ZNF432: variants seen among roughly 807,000 people sequenced by gnomAD.
ZNF432 encodes the protein zinc finger protein 432.
Under a neutral mutation model 13.9 loss-of-function variants are expected in ZNF432, and 10 were observed. The ratio of observed to expected loss-of-function variants is 0.72; its 90% CI spans 0.44 to 1.22. The LOEUF is 1.22. Among genes scored for constraint, ZNF432 ranks in the 50% most tolerant of loss-of-function variants. The pLI is 0.00. For synonymous variants in ZNF432, 247 were observed against 256.2 expected (o/e 0.96, Z 0.34); for missense variants, 793 against 796.2 (o/e 1.00, Z 0.05).
In ZNF432 at chr19:52,033,871, C is replaced by T. The variant is rs749437108; in HGVS notation, c.1808G>A (p.Gly603Asp). ...ACGGCTCTTCATAGTGAAGCCTTTA[C>T]CACATTCATTACATCCATAAGGTTT... ...GEKPYGCNEC[G>D]KGFTMKSRLI... Residue 603 changes from glycine (G) to aspartate (D), a missense_variant, in exon 5 of 5, where the codon GGT (glycine) becomes GAT (aspartate). Coordinates refer to ENST00000221315, the MANE Select transcript of ZNF432 (RefSeq NM_014650.4). The T allele has an allele frequency of 6.2e-7, 1 of 1,614,088 alleles. No homozygotes were observed. Among genetic ancestry groups the T allele is most frequent in the South Asian group, 1.1e-5 (1 of 91,070 alleles).
intron 1 of ZNF432, 84 bp from the exon 2 acceptor site, chr19:52,047,144 C>T: frequency 2.4e-6 from 1 of 422,930 alleles, no homozygotes; most frequent in Non-Finnish European, 4.2e-6. Flanking sequence ...TTCTCTCAAA[C>T]CAAGGAAACA....
chr19:52,047,274 C>T (rs963433315), intron 1 of ZNF432: 16 of 209,018 alleles, frequency 7.7e-5, no homozygotes, highest in Non-Finnish European at 4.7e-5. Flanking sequence ...GTAGGTAATT[C>T]TCATATCAGT....
At chr19:52,046,293 A>G (rs1293350831) in intron 2 of ZNF432, among the ~76,000 whole-genome samples, 2 of 152,158 alleles carry the variant, frequency 1.3e-5, no homozygotes, top group Non-Finnish European at 1.5e-5. Context: ...CTTAGATTTT[A>G]TTCCTAAATA....
chr19:52,041,125 T>TA (rs1568522931), intron 3 of ZNF432, among the ~76,000 whole-genome samples: 4 of 151,894 alleles, frequency 2.6e-5, no homozygotes, highest in African/African-American at 9.7e-5. Context: ...ATAAATAAAT[T>TA]AATTAAAACA....
rs752598662 is a variant in ZNF432, at chr19:52,034,223, T to C, written c.1456A>G (p.Arg486Gly). ...QRTHTGEKPY[R>G]CSECGKGFIV... ...AAACCTTTCCCACATTCACTGCACC[T>C]GTAAGGTTTCTCTCCAGTATGAGTT... is the stretch of plus-strand genomic sequence containing the variant. Residue 486 changes from arginine to glycine, a missense_variant, in exon 5 of 5, where the codon AGG (arginine) becomes GGG (glycine). Transcript: ENST00000221315. 3 of 1,614,016 alleles carry C rather than the reference T, an allele frequency of 1.9e-6. No individual in the cohort carries two copies. Among genetic ancestry groups the C allele is most frequent in the Non-Finnish European group, 2.5e-6 (3 of 1,180,030 alleles).
rs750900615 is a variant in ZNF432, at chr19:52,041,591, C to T, written c.31G>A (p.Glu11Lys). 6.2e-7 allele frequency: 1 copy of T among 1,614,118 alleles called. No individual in the cohort carries two copies. Among genetic ancestry groups the T allele is most frequent in the South Asian group, 1.1e-5 (1 of 91,084 alleles). Residue 11 changes from glutamate to lysine, a missense_variant, in exon 3 of 5, where the codon GAG becomes AAG. Physicochemically the swap from Glu to Lys is moderately conservative, Grantham distance 56. Transcript: ENST00000221315. ...CAGGTGAACTCCACAGTAACATCCT[C>T]CAGTGTCAGCAATTCCTGTAAGAAA... MINAQELLTL[E>K]DVTVEFTWEE... is the part of the protein sequence containing the mutation.
chr19:52,044,266 C>T (rs1359621385), intron 2 of ZNF432, among the ~76,000 whole-genome samples: 1 of 151,986 alleles, frequency 6.6e-6, no homozygotes, highest in Non-Finnish European at 1.5e-5. Flanking sequence ...TAGGTTTCTA[C>T]CTAATTTCAT....
chr19:52,048,089 TA>T (rs2087204749), intron 1 of ZNF432, among the ~76,000 whole-genome samples: 2 of 146,338 alleles, frequency 1.4e-5, no homozygotes, highest in Admixed American at 1.4e-4. Flanking sequence ...TAGGAAATGT[TA>T]ACGTTCATCA....
intron 2 of ZNF432, among the ~76,000 whole-genome samples, chr19:52,043,680 T>C (rs535245917): frequency 1.5e-3 from 233 of 152,344 alleles, no homozygotes; most frequent in African/African-American, 5.4e-3. Context: ...CCCGATTGTA[T>C]GCTCCATCTA....
At position 52,032,562 on chromosome 19, in the gene ZNF432, A is replaced by C. The variant is rs1256224025; in HGVS notation, c.*1158T>G. ...AGTGATTCTCCAGCTTAGCCTCCAG[A>C]GTAGCTGGGATTACAAGCGTGAGCC... On this transcript the variant is annotated 3_prime_UTR_variant, in exon 5 of 5. Transcript: ENST00000221315. 1 of 151,458 alleles carries C rather than the reference A, an allele frequency of 6.6e-6. No homozygotes were observed. Among genetic ancestry groups the C allele is most frequent in the African/African-American group, 2.4e-5 (1 of 41,160 alleles). 9.4% of individuals were successfully genotyped at this position (151,458 alleles called of 1,614,324 possible).
At chr19:52,048,184 A>ACACACACACAC (rs1568525403) in intron 1 of ZNF432, among the ~76,000 whole-genome samples, 123 of 56,132 alleles carry the variant, frequency 2.2e-3, no homozygotes, top group African/African-American at 4.8e-3. Context: ...CACACACACA[A>ACACACACACAC]AACCAGCCAG....
chr19:52,035,301 AT>A lies in ZNF432; in HGVS notation c.377del (p.Asn126IlefsTer9). 6.2e-7 allele frequency: 1 copy of A among 1,611,656 alleles called. No homozygotes were observed. The highest frequency in any genetic ancestry group is 8.5e-7 in the Non-Finnish European group (1 of 1,179,476). On this transcript the variant is annotated frameshift_variant, in exon 5 of 5. Coordinates refer to ENST00000221315, the MANE Select transcript of ZNF432 (RefSeq NM_014650.4). LOFTEE classifies it low-confidence loss of function (END_TRUNC). ...QTKSLCLFRENHDTFELYIKT... is the reference protein window; with the variant it reads ...QTKSLCLFREXHDTFELYIKT... ...TTATATATAACTCAAATGTATCATG[AT>A]TTTCCCTGAAAAGACAAAGGCTTTT... is the stretch of plus-strand genomic sequence containing the variant.
intron 2 of ZNF432, 82 bp from the exon 3 acceptor site, chr19:52,041,688 C>T (rs2087138346): frequency 1.4e-5 from 22 of 1,567,852 alleles, no homozygotes; most frequent in Non-Finnish European, 1.9e-5. Flanking sequence ...AGTTGTCCCG[C>T]TCACATTAAA....
chr19:52,048,180 C>CAAAAAAAAAAAAAA (rs986523452), intron 1 of ZNF432, among the ~76,000 whole-genome samples: 1 of 145,858 alleles, frequency 6.9e-6, no homozygotes, highest in African/African-American at 2.7e-5. Context: ...CACACACACA[C>CAAAAAAAAAAAAAA]ACAAAACCAG....
intron 1 of ZNF432, among the ~76,000 whole-genome samples, chr19:52,048,129 ACACACACACACACAC>A (rs1423517010): frequency 2.7e-4 from 2 of 7,494 alleles, no homozygotes; most frequent in African/African-American, 2.1e-3. Flanking sequence ...TTTGAGCTCA[ACACACACACACACAC>A]ACACACACAC....
chr19:52,037,745 G>A (rs932673095), intron 4 of ZNF432, among the ~76,000 whole-genome samples: 5 of 147,620 alleles, frequency 3.4e-5, no homozygotes, highest in African/African-American at 7.6e-5. Flanking sequence ...AGCCAAAATC[G>A]TGCCACTGCA....
In ZNF432 at chr19:52,041,589, C is replaced by G. The variant is rs763627704; in HGVS notation, c.33G>C (p.Glu11Asp). The change falls in exon 3 of 5, where the codon GAG (glutamate) becomes GAC (aspartate). Residue 11 changes from glutamate (E) to aspartate (D), a missense_variant. Physicochemically the swap from Glu to Asp is conservative, Grantham distance 45 (BLOSUM62 2). Transcript: ENST00000221315. MINAQELLTL[E>D]DVTVEFTWEE... is the part of the protein sequence containing the mutation. Reference sequence around the variant, plus strand: ...CCCAGGTGAACTCCACAGTAACATCCTCCAGTGTCAGCAATTCCTGTAAGA... The same window carrying G: ...CCCAGGTGAACTCCACAGTAACATCGTCCAGTGTCAGCAATTCCTGTAAGA... 7 of 1,614,150 alleles carry G rather than the reference C, an allele frequency of 4.3e-6. No homozygotes were observed. The East Asian group carries it at 1.6e-4, about 36-fold the overall frequency.
Position 52,046,905 on chromosome 19 carries a change from A to G in ZNF432, c.-37T>C. 6.2e-7 allele frequency: 1 copy of G among 1,610,968 alleles called. No individual in the cohort carries two copies. The highest frequency in any genetic ancestry group is 8.5e-7 in the Non-Finnish European group (1 of 1,178,546). On this transcript the variant is annotated 5_prime_UTR_variant, in exon 2 of 5. Coordinates refer to ENST00000221315, the MANE Select transcript of ZNF432 (RefSeq NM_014650.4). ...GTGGGAAATGGCCAGCACCTGGGAT[A>G]CTCTGTCTTTGTCTCCTCTGGATCT...
chr19:52,038,283 T>C lies in ZNF432; in HGVS notation c.238+2205A>G, dbSNP rs533399357. On this transcript the variant is annotated intron_variant, in intron 4 of 4. Coordinates refer to ENST00000221315, the MANE Select transcript of ZNF432 (RefSeq NM_014650.4). The stretch of plus-strand genomic sequence containing the variant: ...GGCCCATGGCCTTGCACAATTCCTA[T>C]TTCATGCCTTCATTCTTTTTTTTGA... Among the ~76,000 whole-genome samples, 9 of 152,364 alleles carry C rather than the reference T, an allele frequency of 5.9e-5. No individual in the cohort carries two copies. In the East Asian group the frequency reaches 1.7e-3, roughly 29 times the overall value.
Sources: allele counts gnomAD v4.1 joint callset (sites outside exome capture counted in the v4.1 genomes callset), GRCh38; gene constraint gnomAD v4.1.1; transcripts MANE v1.5; gene names NCBI Gene and HGNC (gene_info 2026-07-23, HGNC 2026-07-21).